ZNF827: variants seen among roughly 807,000 people sequenced by gnomAD.
ZNF827 encodes the protein zinc finger protein 827.
In ZNF827, 13 loss-of-function variants were observed where a neutral mutation model predicts 102.4. That is an observed-to-expected ratio of 0.13 (90% CI 0.08 to 0.20). The LOEUF is 0.20. ZNF827 is among the 10% of genes least tolerant of loss of function. ZNF827 has a pLI of 1.00. For missense variants in ZNF827, 1,103 were observed against 1,344.4 expected (o/e 0.82, Z 2.81); for synonymous variants, 523 against 536.2 (o/e 0.98, Z 0.34).
intron 1 of ZNF827, among the ~76,000 whole-genome samples, chr4:145,903,696 G>A (rs978801866): frequency 6.6e-6 from 1 of 152,090 alleles, no homozygotes; most frequent in African/African-American, 2.4e-5. Context: ...TCACTGAGCT[G>A]GTCTGAGAAT....
chr4:145,902,775 G>A lies in ZNF827; in HGVS notation c.484C>T (p.His162Tyr). ...SNLSFSPPSHHAQQLSVLARK... is the reference protein window; with the variant it reads ...SNLSFSPPSHYAQQLSVLARK... ...GCCAGAACACTGAGCTGCTGGGCGT[G>A]GTGGGAAGGCGGGGAAAAGGAGAGG... is the stretch of plus-strand genomic sequence containing the variant. The change falls in exon 2 of 15, where the codon CAC (histidine) becomes TAC (tyrosine). Residue 162 changes from histidine to tyrosine, a missense_variant. By Grantham distance (83) the His-to-Tyr change is moderately conservative. Coordinates refer to ENST00000508784, the MANE Select transcript of ZNF827 (RefSeq NM_001306215.2). This position sits in a 1 kb window ranked among gnomAD's most constrained non-coding sequence, Gnocchi z 4.3. 1 of 1,614,070 alleles carries A rather than the reference G, an allele frequency of 6.2e-7. No homozygotes were observed. The highest frequency in any genetic ancestry group is 8.5e-7 in the Non-Finnish European group (1 of 1,180,014).
chr4:145,779,213 T>C (rs1737576442), intron 9 of ZNF827, among the ~76,000 whole-genome samples, 161 bp downstream of exon 9: 1 of 152,256 alleles, frequency 6.6e-6, no homozygotes, highest in South Asian at 2.1e-4. Flanking sequence ...AAAAAAGCCT[T>C]TCCAAGGTCT....
intron 8 of ZNF827, among the ~76,000 whole-genome samples, chr4:145,804,634 T>TC (rs1741227901): frequency 6.6e-6 from 1 of 152,238 alleles, no homozygotes; most frequent in Admixed American, 6.5e-5. Context: ...GTACATTTAG[T>TC]TGAAAACTCA....
In ZNF827 at chr4:145,760,720, G is replaced by GTTTT. The variant is rs10715391; in HGVS notation, c.*892_*895dup. On this transcript the variant is annotated 3_prime_UTR_variant, in exon 15 of 15. Transcript: ENST00000508784. ...GCTGGGGTTGTGTTTAAGTTTTGTG[G>GTTTT]TTTTTTTTTTTTTTTTTGTCTTTTG... is the stretch of plus-strand genomic sequence containing the variant. 7.1e-6 allele frequency: 5 copies of GTTTT among 706,406 alleles called. No individual in the cohort carries two copies. The highest frequency in any genetic ancestry group is 4.6e-5 in the African/African-American group (2 of 43,136). 43.8% of individuals were successfully genotyped at this position (706,406 alleles called of 1,614,324 possible).
chr4:145,907,154 A>G (rs745782302), intron 1 of ZNF827: 20 of 456,118 alleles, frequency 4.4e-5, no homozygotes, highest in Non-Finnish European at 7.5e-5. Context: ...AAGAAGCTCA[A>G]ACAAATATGT....
intron 8 of ZNF827, among the ~76,000 whole-genome samples, chr4:145,822,610 C>T (rs1043238588): frequency 1.3e-5 from 2 of 151,950 alleles, no homozygotes; most frequent in Admixed American, 1.3e-4. Flanking sequence ...CCGAGTGCTG[C>T]TGAGATCCTC....
At chr4:145,854,362 G>C (rs1457873865) in intron 5 of ZNF827, among the ~76,000 whole-genome samples, 1 of 151,922 alleles carries the variant, frequency 6.6e-6, no homozygotes, top group Non-Finnish European at 1.5e-5. Flanking sequence ...AGAGCAAGCA[G>C]AGGGCAGTGG....
chr4:145,827,230 T>C (rs1415358896), intron 7 of ZNF827, among the ~76,000 whole-genome samples: 3 of 152,184 alleles, frequency 2.0e-5, no homozygotes, highest in Non-Finnish European at 2.9e-5. Context: ...CTTTCGTTGG[T>C]CCGTTAACAC....
chr4:145,811,457 G>T (rs1478404053), intron 8 of ZNF827, among the ~76,000 whole-genome samples: 1 of 152,202 alleles, frequency 6.6e-6, no homozygotes, highest in East Asian at 1.9e-4. Flanking sequence ...TGTACATGTG[G>T]TGATTTCCAA....
chr4:145,803,650 GT>G (rs1464847561), intron 8 of ZNF827, among the ~76,000 whole-genome samples: 1 of 152,194 alleles, frequency 6.6e-6, no homozygotes, highest in Non-Finnish European at 1.5e-5. Context: ...GTGGAGAGGA[GT>G]TTTTCCAATT....
chr4:145,761,603 C>A lies in ZNF827; in HGVS notation c.*18-5G>T, dbSNP rs1465131838. On this transcript the variant is annotated splice_region_variant and splice_polypyrimidine_tract_variant and intron_variant, in intron 14 of 14. Transcript: ENST00000508784. This position sits in a 1 kb window ranked among gnomAD's most constrained non-coding sequence, Gnocchi z 6.8. ...GAATAAATGCAGAATGGGCACCTGCCGGGGAAAGCAACGCAAGGGAGGTTC... is the reference window on the plus strand; with the variant it reads ...GAATAAATGCAGAATGGGCACCTGCAGGGGAAAGCAACGCAAGGGAGGTTC... 3 of 1,249,232 alleles carry A rather than the reference C, an allele frequency of 2.4e-6. No individual in the cohort carries two copies. The East Asian group carries it at 1.7e-4, about 71-fold the overall frequency. 77.4% of individuals were successfully genotyped at this position (1,249,232 alleles called of 1,614,324 possible). A position where few individuals can be genotyped will look rare whatever the true frequency, so the allele number is the denominator to read the frequency against.
intron 8 of ZNF827, among the ~76,000 whole-genome samples, chr4:145,788,122 A>T (rs987900104): frequency 1.8e-4 from 27 of 152,220 alleles, no homozygotes; most frequent in African/African-American, 6.0e-4. Flanking sequence ...CTTAGTAAAC[A>T]GCTGCTTCTG....
chr4:145,857,567 T>G (rs1419419529), intron 5 of ZNF827, among the ~76,000 whole-genome samples: 1 of 152,244 alleles, frequency 6.6e-6, no homozygotes, highest in East Asian at 1.9e-4. Flanking sequence ...AGTTTTCAAC[T>G]TGATTCTGGT....
At chr4:145,832,391 T>C (rs1298879056) in intron 7 of ZNF827, 1 of 151,074 alleles carries the variant, frequency 6.6e-6, no homozygotes, top group East Asian at 1.9e-4. Flanking sequence ...TAGGAATCAA[T>C]AAATCAAAGA....
At chr4:145,778,405 A>T (rs1201049806) in intron 9 of ZNF827, among the ~76,000 whole-genome samples, 1 of 152,210 alleles carries the variant, frequency 6.6e-6, no homozygotes, top group Non-Finnish European at 1.5e-5. Context: ...AAGTGTTGGG[A>T]TTATAGGCGT....
intron 8 of ZNF827, among the ~76,000 whole-genome samples, chr4:145,786,565 T>C (rs1379181517): frequency 6.6e-6 from 1 of 152,172 alleles, no homozygotes; most frequent in Non-Finnish European, 1.5e-5. Flanking sequence ...TCTGAAATCC[T>C]CTGTAGTCTT....
At position 145,807,685 on chromosome 4, in the gene ZNF827, T is replaced by C. The variant is rs1340303615; in HGVS notation, c.2383+15737A>G. Among the ~76,000 whole-genome samples, 4 of 151,170 alleles carry C rather than the reference T, an allele frequency of 2.6e-5. No homozygotes were observed. In the East Asian group the frequency reaches 7.8e-4, roughly 29 times the overall value. ...TGGGGTTTCACCATCTTGGCCAGGC[T>C]GGTCTTGAACTCCTGACCTCGTGAT... On this transcript the variant is annotated intron_variant, in intron 8 of 14. Coordinates refer to ENST00000508784, the MANE Select transcript of ZNF827 (RefSeq NM_001306215.2).
chr4:145,772,136 T>A (rs1348988900), intron 11 of ZNF827, among the ~76,000 whole-genome samples: 1 of 152,204 alleles, frequency 6.6e-6, no homozygotes, highest in Non-Finnish European at 1.5e-5. Flanking sequence ...AAGGGCCACA[T>A]CTGAATAGTT....
In ZNF827 at chr4:145,905,004, C is replaced by T. The variant is rs187711871; in HGVS notation, c.44-1789G>A. 4.6e-5 allele frequency among the ~76,000 whole-genome samples: 7 copies of T among 152,284 alleles called. No homozygotes were observed. The East Asian group carries it at 9.6e-4, about 21-fold the overall frequency. ...GAAGGCTCAGCTCAGGACTGCAAGGCGTGAGAAGTGACTCAATTAGGTGCA... is the reference window on the plus strand; with the variant it reads ...GAAGGCTCAGCTCAGGACTGCAAGGTGTGAGAAGTGACTCAATTAGGTGCA... On this transcript the variant is annotated intron_variant, in intron 1 of 14. Coordinates refer to ENST00000508784, the MANE Select transcript of ZNF827 (RefSeq NM_001306215.2).
Sources: gnomAD v4.1 joint callset for allele counts (sites outside exome capture counted in the v4.1 genomes callset) on GRCh38, gnomAD v4.1.1 for gene constraint, Gnocchi (gnomAD v3.1) non-coding constraint, MANE v1.5 for transcripts, NCBI Gene and HGNC (gene_info 2026-07-23, HGNC 2026-07-21) for gene names.